The following ARHGAP17 variants were observed in gnomAD, a reference collection of about 807,000 sequenced individuals.
ARHGAP17 encodes rho GTPase-activating protein 17.
In ARHGAP17, 57 loss-of-function variants were observed where a neutral mutation model predicts 99.5. That is an observed-to-expected ratio of 0.57 (90% CI 0.46 to 0.71). ARHGAP17 has a LOEUF of 0.71. Among genes scored for constraint, ARHGAP17 ranks in the 30% least tolerant of loss-of-function variants. The pLI, the probability that ARHGAP17 is intolerant of heterozygous loss-of-function variation, is 0.00. For missense variants in ARHGAP17, 1,000 were observed against 1,122.4 expected (o/e 0.89, Z 1.56); for synonymous variants, 417 against 429.6 (o/e 0.97, Z 0.36).
intron 1 of ARHGAP17, chr16:25,013,760 A>G (rs1417109606): frequency 1.3e-5 from 2 of 152,224 alleles, no homozygotes; most frequent in African/African-American, 4.8e-5. Flanking sequence ...GAACAATGTA[A>G]AAACAAGCCA....
rs899992473 is a variant in ARHGAP17 at position 24,953,040 on chromosome 16, G to A, written c.855C>T (p.Gly285=). The change falls in exon 11 of 20, where the codon GGC becomes GGT. Residue 285 remains glycine, a splice_region_variant and synonymous_variant. Coordinates refer to ENST00000289968, the MANE Select transcript of ARHGAP17 (RefSeq NM_001006634.3). ...AGGCCCCAGCCCCAATTCGGAAAAG[G>A]CCCTAAAGATAATGAAAAGCCATCA... ...LLLETGMKEE[G]LFRIGAGASK... is the part of the protein sequence containing the mutation. The A allele has an allele frequency of 5.6e-6, 9 of 1,613,908 alleles. No individual in the cohort carries two copies. Among genetic ancestry groups the A allele is most frequent in the South Asian group, 4.4e-5 (4 of 91,078 alleles).
rs551392753 is a variant in ARHGAP17 at position 24,943,356 on chromosome 16, A to G, written c.1333+415T>C. Reference sequence around the variant, plus strand: ...CAGCATATTCAACATCGCCTCTTCTAAAAACCAATCCCTGGTTCCCTTTTC... The same window carrying G: ...CAGCATATTCAACATCGCCTCTTCTGAAAACCAATCCCTGGTTCCCTTTTC... On this transcript the variant is annotated intron_variant, in intron 15 of 19. Coordinates refer to ENST00000289968, the MANE Select transcript of ARHGAP17 (RefSeq NM_001006634.3). Among the ~76,000 whole-genome samples, 4 of 152,334 alleles carry G rather than the reference A, an allele frequency of 2.6e-5. No individual in the cohort carries two copies. In the South Asian group the frequency reaches 8.3e-4, roughly 32 times the overall value.
intron 1 of ARHGAP17, among the ~76,000 whole-genome samples, chr16:24,982,781 T>C (rs1009967058): frequency 6.6e-6 from 1 of 151,344 alleles, no homozygotes; most frequent in African/African-American, 2.4e-5. Flanking sequence ...GGCCATTCAA[T>C]AGGCCATGTA....
chr16:24,926,155 A>AAGAGG (rs2050838911), intron 19 of ARHGAP17, among the ~76,000 whole-genome samples: 1 of 151,588 alleles, frequency 6.6e-6, no homozygotes, highest in East Asian at 1.9e-4. Flanking sequence ...AAGAGAAGAG[A>AAGAGG]AGAGGAGAAA....
At chr16:24,989,423 A>G (rs2052968635) in intron 1 of ARHGAP17, among the ~76,000 whole-genome samples, 1 of 152,230 alleles carries the variant, frequency 6.6e-6, no homozygotes, top group African/African-American at 2.4e-5. Context: ...AAAATAGTAA[A>G]AATAAAAACT....
chr16:24,949,020 A>T (rs903477556), intron 13 of ARHGAP17: 3 of 156,372 alleles, frequency 1.9e-5, no homozygotes, highest in African/African-American at 7.2e-5. Context: ...TTATACTTTA[A>T]ATTAAGTAGC....
At chr16:24,923,367 T>C (rs1338902028) in intron 19 of ARHGAP17, among the ~76,000 whole-genome samples, 1 of 152,214 alleles carries the variant, frequency 6.6e-6, no homozygotes, top group Non-Finnish European at 1.5e-5. Context: ...GAAACACCTC[T>C]AAATCTTTCT....
intron 1 of ARHGAP17, among the ~76,000 whole-genome samples, chr16:24,998,327 G>T (rs2053259221): frequency 6.6e-6 from 1 of 151,966 alleles, no homozygotes; most frequent in Admixed American, 6.6e-5. Flanking sequence ...CAGATGGAGG[G>T]AGGTGAAAGG....
At chr16:24,931,879 G>A (rs955448543) in intron 18 of ARHGAP17, among the ~76,000 whole-genome samples, 24 of 152,192 alleles carry the variant, frequency 1.6e-4, no homozygotes, top group Admixed American at 6.5e-5. Flanking sequence ...ACTTTGGGAG[G>A]CCAAAGCAGG....
chr16:25,005,072 T>C (rs2053470137), intron 1 of ARHGAP17, among the ~76,000 whole-genome samples: 1 of 152,168 alleles, frequency 6.6e-6, no homozygotes, highest in African/African-American at 2.4e-5. Context: ...CTGCCTGCCA[T>C]GCCCAGCTAA....
chr16:24,965,082 G>A (rs1211978245), intron 6 of ARHGAP17, among the ~76,000 whole-genome samples: 1 of 152,212 alleles, frequency 6.6e-6, no homozygotes, highest in Non-Finnish European at 1.5e-5. Flanking sequence ...ATTTTCAAAT[G>A]TGCTTTGACC....
intron 19 of ARHGAP17, among the ~76,000 whole-genome samples, chr16:24,928,489 TA>T (rs1244034655): frequency 1.3e-5 from 2 of 152,186 alleles, no homozygotes; most frequent in African/African-American, 4.8e-5. Flanking sequence ...ACAATGGTAT[TA>T]AAAAATAGGC....
intron 19 of ARHGAP17, among the ~76,000 whole-genome samples, chr16:24,924,818 G>T (rs1022774759): frequency 2.0e-5 from 3 of 151,644 alleles, no homozygotes; most frequent in African/African-American, 7.3e-5. Context: ...AGCTGAGATC[G>T]CACCACTGCA....
intron 1 of ARHGAP17, among the ~76,000 whole-genome samples, chr16:24,980,731 G>A (rs924468659): frequency 2.0e-5 from 3 of 152,030 alleles, no homozygotes; most frequent in Admixed American, 6.5e-5. Context: ...ACCATTAGAC[G>A]CCCCCATTCC....
chr16:24,952,559 G>T (rs2051675668), intron 11 of ARHGAP17, among the ~76,000 whole-genome samples, 189 bp from the exon 12 acceptor site: 2 of 151,952 alleles, frequency 1.3e-5, no homozygotes, highest in African/African-American at 4.8e-5. Flanking sequence ...AAAAAAAAAA[G>T]TTTTAAGAGA....
intron 1 of ARHGAP17, among the ~76,000 whole-genome samples, chr16:24,981,647 G>A (rs529180474): frequency 6.6e-6 from 1 of 152,210 alleles, no homozygotes; most frequent in Non-Finnish European, 1.5e-5. Flanking sequence ...AGTAGGGAGT[G>A]AACCCACCGT....
chr16:24,938,970 G>A (rs187572443), intron 17 of ARHGAP17, among the ~76,000 whole-genome samples: 12 of 152,162 alleles, frequency 7.9e-5, no homozygotes. Flanking sequence ...TAAATGCCAG[G>A]AATACGAAAA....
At chr16:24,964,339 G>A (rs1211335007) in intron 6 of ARHGAP17, 31 bp from the exon 7 acceptor site, 36 of 1,484,432 alleles carry the variant, frequency 2.4e-5, no homozygotes, top group East Asian at 4.5e-5. Flanking sequence ...CAGCATCTGA[G>A]AACCAGCTGT....
intron 6 of ARHGAP17, 95 bp from the exon 7 acceptor site, chr16:24,964,403 T>A: frequency 1.2e-6 from 1 of 829,666 alleles, no homozygotes; most frequent in East Asian, 2.5e-5. Context: ...TTCCCCACAA[T>A]TGATTCTACC....
Sources: allele counts gnomAD v4.1 joint callset (sites outside exome capture counted in the v4.1 genomes callset), GRCh38; gene constraint gnomAD v4.1.1; transcripts MANE v1.5; gene names NCBI Gene and HGNC (gene_info 2026-07-23, HGNC 2026-07-21).